The following KIAA0825 variants were observed in gnomAD, a reference collection of about 807,000 sequenced individuals.
KIAA0825 encodes uncharacterized protein KIAA0825.
Under a neutral mutation model 147.6 loss-of-function variants are expected in KIAA0825, and 119 were observed. That is an observed-to-expected ratio of 0.81 (90% CI 0.69 to 0.94). The LOEUF is 0.94. Ranked by LOEUF, KIAA0825 falls within the 40% of genes least tolerant of loss-of-function variation. KIAA0825 has a pLI of 0.00. For synonymous variants in KIAA0825, 470 were observed against 518.1 expected (o/e 0.91, Z 1.26); for missense variants, 1,381 against 1,472.7 (o/e 0.94, Z 1.02).
At chr5:94,518,636 T>C (rs1391130871) in intron 5 of KIAA0825, among the ~76,000 whole-genome samples, 2 of 152,102 alleles carry the variant, frequency 1.3e-5, no homozygotes, top group Admixed American at 6.6e-5. Flanking sequence ...ATTGGGATAA[T>C]AGGAATGGGT....
chr5:94,404,401 A>G (rs1751779230), intron 15 of KIAA0825, among the ~76,000 whole-genome samples: 1 of 152,182 alleles, frequency 6.6e-6, no homozygotes, highest in Admixed American at 6.5e-5. Context: ...AATGGTGATT[A>G]TCAATGACGG....
At chr5:94,499,979 CAT>C (rs901583758) in intron 5 of KIAA0825, among the ~76,000 whole-genome samples, 1 of 152,126 alleles carries the variant, frequency 6.6e-6, no homozygotes, top group African/African-American at 2.4e-5. Context: ...AGAAATGACA[CAT>C]GAGCTGTCAT....
At chr5:94,576,233 G>C (rs1182360401) in intron 2 of KIAA0825, among the ~76,000 whole-genome samples, 2 of 152,116 alleles carry the variant, frequency 1.3e-5, no homozygotes, top group African/African-American at 2.4e-5. Context: ...GTGAATAAGA[G>C]AATCAACATT....
chr5:94,510,218 T>C (rs1766293847), intron 5 of KIAA0825, among the ~76,000 whole-genome samples: 3 of 152,234 alleles, frequency 2.0e-5, no homozygotes, highest in African/African-American at 7.2e-5. Context: ...CCATTTATTC[T>C]AGATGAGCTC....
chr5:94,395,658 G>A (rs945540296), intron 17 of KIAA0825, among the ~76,000 whole-genome samples: 1 of 152,102 alleles, frequency 6.6e-6, no homozygotes, highest in Admixed American at 6.5e-5. Context: ...GATGAAAAAT[G>A]TGTACCTTTT....
At chr5:94,154,651 A>C (rs1201034096) in intron 20 of KIAA0825, among the ~76,000 whole-genome samples, 2 of 152,208 alleles carry the variant, frequency 1.3e-5, no homozygotes, top group Admixed American at 1.3e-4. Flanking sequence ...ACTCTAGAAA[A>C]GTGGCAAATT....
intron 20 of KIAA0825, among the ~76,000 whole-genome samples, chr5:94,243,505 G>A (rs887928628): frequency 1.2e-4 from 18 of 152,212 alleles, no homozygotes; most frequent in Admixed American, 2.0e-4. Context: ...GCTTAGCAGA[G>A]TGCCTGGCCC....
chr5:94,586,038 C>T (rs934420200), intron 1 of KIAA0825, among the ~76,000 whole-genome samples: 1 of 152,260 alleles, frequency 6.6e-6, no homozygotes, highest in Admixed American at 6.5e-5. Flanking sequence ...ACATTTAAAA[C>T]AGTGTGTAGT....
chr5:94,450,015 G>T (rs1301512384), intron 13 of KIAA0825, among the ~76,000 whole-genome samples: 1 of 152,100 alleles, frequency 6.6e-6, no homozygotes, highest in Non-Finnish European at 1.5e-5. Context: ...GGGAGGCAGA[G>T]GTTGCAGTGA....
intron 5 of KIAA0825, among the ~76,000 whole-genome samples, chr5:94,498,866 A>C (rs2151105158): frequency 6.6e-6 from 1 of 152,318 alleles, no homozygotes; most frequent in South Asian, 2.1e-4. Context: ...ATCTTCATGA[A>C]GTTTTTCTAG....
At chr5:94,339,348 A>C (rs2150321927) in intron 20 of KIAA0825, among the ~76,000 whole-genome samples, 1 of 152,278 alleles carries the variant, frequency 6.6e-6, no homozygotes, top group Non-Finnish European at 1.5e-5. Flanking sequence ...TAAAAATTGT[A>C]GATAGATTTT....
At chr5:94,348,051 CT>C (rs1007943530) in intron 20 of KIAA0825, among the ~76,000 whole-genome samples, 8 of 152,060 alleles carry the variant, frequency 5.3e-5, no homozygotes, top group Non-Finnish European at 1.0e-4. Flanking sequence ...AAATTCAGAG[CT>C]CGAAGACAAG....
At chr5:94,310,744 T>G (rs2150202869) in intron 20 of KIAA0825, among the ~76,000 whole-genome samples, 1 of 151,786 alleles carries the variant, frequency 6.6e-6, no homozygotes, top group African/African-American at 2.4e-5. Context: ...GCATATGAAC[T>G]CTACTCTAGA....
intron 1 of KIAA0825, among the ~76,000 whole-genome samples, chr5:94,614,400 A>G (rs998747664): frequency 2.0e-5 from 3 of 152,150 alleles, no homozygotes; most frequent in Non-Finnish European, 4.4e-5. Flanking sequence ...TGCCAACTCC[A>G]TCCTCCACCC....
At chr5:94,594,181 T>C in intron 1 of KIAA0825, 3 of 572,780 alleles carry the variant, frequency 5.2e-6, no homozygotes, top group South Asian at 1.4e-5. Context: ...TTAGCTAGAC[T>C]GGATTCTCAA....
chr5:94,451,473 A>T (rs1478431425), intron 13 of KIAA0825, among the ~76,000 whole-genome samples: 2 of 152,304 alleles, frequency 1.3e-5, no homozygotes, highest in East Asian at 3.9e-4. Context: ...TGCCCTCATG[A>T]ATTTGCATAA....
intron 13 of KIAA0825, among the ~76,000 whole-genome samples, chr5:94,441,782 A>G (rs1371394736): frequency 6.6e-6 from 1 of 152,218 alleles, no homozygotes; most frequent in Non-Finnish European, 1.5e-5. Flanking sequence ...TATATTTGTT[A>G]TAGCAGCCAG....
intron 2 of KIAA0825, among the ~76,000 whole-genome samples, chr5:94,553,078 T>A (rs1356343937): frequency 6.6e-6 from 1 of 152,202 alleles, no homozygotes; most frequent in Non-Finnish European, 1.5e-5. Context: ...ATTACTCTGA[T>A]TTGAATACTA....
intron 2 of KIAA0825, among the ~76,000 whole-genome samples, chr5:94,557,807 G>T (rs1318141171): frequency 6.6e-6 from 1 of 152,142 alleles, no homozygotes; most frequent in East Asian, 1.9e-4. Flanking sequence ...CTTTGTATAG[G>T]AGCTCTGTTT....
Sources: allele counts gnomAD v4.1 joint callset (sites outside exome capture counted in the v4.1 genomes callset), GRCh38; gene constraint gnomAD v4.1.1; transcripts MANE v1.5; gene names NCBI Gene and HGNC (gene_info 2026-07-23, HGNC 2026-07-21).